IL31RA: variants seen among roughly 807,000 people sequenced by gnomAD.
IL31RA encodes the protein interleukin-31 receptor subunit alpha.
IL31RA carries 66 observed loss-of-function variants against 83.7 expected under a neutral mutation model. The ratio of observed to expected loss-of-function variants is 0.79; its 90% confidence interval spans 0.65 to 0.97. The LOEUF is 0.97. IL31RA is among the 50% of genes least tolerant of loss of function. The probability of loss-of-function intolerance (pLI) is 0.00; values close to 1 mark genes in which losing one functional copy is unlikely to be tolerated. For synonymous variants in IL31RA, 325 were observed against 329.0 expected (o/e 0.99, Z 0.13); for missense variants, 798 against 919.4 (o/e 0.87, Z 1.71).
rs537875055 is a variant in IL31RA at position 55,918,725 on chromosome 5, A to T, written c.*1605A>T. Among the ~76,000 whole-genome samples, 8 of 152,104 alleles carry T rather than the reference A, an allele frequency of 5.3e-5. No individual in the cohort carries two copies. The highest frequency in any genetic ancestry group is 8.8e-5 in the Non-Finnish European group (6 of 67,982). On this transcript the variant is annotated 3_prime_UTR_variant, in exon 15 of 15. Coordinates refer to ENST00000652347, the MANE Select transcript of IL31RA (RefSeq NM_139017.7). ...TACCTTAGCCAATTGCTGCCTCGTT[A>T]CTGTGGGCACAGGAAGGTGTGGCTG...
At chr5:55,860,396 G>GTC (rs1452845169) in intron 2 of IL31RA, among the ~76,000 whole-genome samples, 6 of 151,326 alleles carry the variant, frequency 4.0e-5, no homozygotes, top group South Asian at 2.1e-4. Flanking sequence ...TGTGAATGTG[G>GTC]TCTCTCTCTC....
At chr5:55,913,079 TTTTTTGTTTTTGTTTTTG>T (rs140635074) in intron 12 of IL31RA, among the ~76,000 whole-genome samples, 2 of 151,274 alleles carry the variant, frequency 1.3e-5, no homozygotes, top group African/African-American at 4.9e-5. Flanking sequence ...CAAAATTCTG[TTTTTTGTTTTTGTTTTTG>T]TTTTTGTTTT....
At chr5:55,874,185 T>C (rs991980031) in intron 4 of IL31RA, among the ~76,000 whole-genome samples, 1 of 152,128 alleles carries the variant, frequency 6.6e-6, no homozygotes, top group African/African-American at 2.4e-5. Flanking sequence ...TTGAATTGTC[T>C]TGGCACCTTT....
intron 4 of IL31RA, among the ~76,000 whole-genome samples, chr5:55,875,616 C>T (rs1746801394): frequency 6.6e-6 from 1 of 152,068 alleles, no homozygotes; most frequent in Non-Finnish European, 1.5e-5. Context: ...TGGAAGGGGA[C>T]AAGATTATTC....
rs1750140095 is a variant in IL31RA at position 55,922,474 on chromosome 5, A to C, written c.*5354A>C. ...GAGAAAGGTGTCCTGTGGTCTATGC[A>C]AATTAGAAAGGACATGCAGAGTTTT... is the stretch of plus-strand genomic sequence containing the variant. On this transcript the variant is annotated 3_prime_UTR_variant, in exon 15 of 15. Coordinates refer to ENST00000652347, the MANE Select transcript of IL31RA (RefSeq NM_139017.7). The C allele has an allele frequency of 2.0e-6, 3 of 1,514,348 alleles. No homozygotes were observed. The highest frequency in any genetic ancestry group is 1.4e-5 in the African/African-American group (1 of 72,272). The allele number at this position is 1,514,348 out of a possible 1,614,324, so 93.8% of individuals were successfully genotyped here.
chr5:55,847,240 AATAAAAATAAATAAAT>A (rs1192513613), upstream of IL31RA, among the ~76,000 whole-genome samples: 13 of 14,178 alleles, frequency 9.2e-4, no homozygotes, highest in African/African-American at 2.7e-3. Flanking sequence ...AAAAAAAAAA[AATAAAAATAAATAAAT>A]AAATAAATAA....
chr5:55,913,741 G>A (rs908030171), intron 13 of IL31RA, among the ~76,000 whole-genome samples, 171 bp downstream of exon 13: 2 of 152,204 alleles, frequency 1.3e-5, no homozygotes, highest in African/African-American at 4.8e-5. Flanking sequence ...GTGGCTCACC[G>A]GAATTCTGAC....
chr5:55,914,186 A>G (rs961787187), intron 13 of IL31RA, among the ~76,000 whole-genome samples: 2 of 152,210 alleles, frequency 1.3e-5, no homozygotes, highest in African/African-American at 4.8e-5. Flanking sequence ...TCTCCAAATT[A>G]GACAGTTGTG....
At position 55,913,472 on chromosome 5, in the gene IL31RA, C is replaced by T. The variant is rs1396305283; in HGVS notation, c.1643-5C>T. On this transcript the variant is annotated splice_region_variant and splice_polypyrimidine_tract_variant and intron_variant, in intron 12 of 14. Coordinates refer to ENST00000652347, the MANE Select transcript of IL31RA (RefSeq NM_139017.7). ...CTACTGACTTTTGTTCTTTGTTTTT[C>T]AAAGGTGTCTTTGAGATTATCCTCA... 5.6e-6 allele frequency: 9 copies of T among 1,599,492 alleles called. No homozygotes were observed. Among genetic ancestry groups the T allele is most frequent in the Admixed American group, 3.3e-5 (2 of 59,990 alleles).
In IL31RA at chr5:55,914,936, C is replaced by G. The variant is rs746573109; in HGVS notation, c.1818+8C>G. 1.3e-6 allele frequency: 2 copies of G among 1,598,036 alleles called. No individual in the cohort carries two copies. Among genetic ancestry groups the G allele is most frequent in the Non-Finnish European group, 1.7e-6 (2 of 1,165,298 alleles). Reference sequence around the variant, plus strand: ...CATGGAGATGATTTCAAGGTAAACTCTCCTGTTTTTATTAAGGAAATCATT... The same window carrying G: ...CATGGAGATGATTTCAAGGTAAACTGTCCTGTTTTTATTAAGGAAATCATT... On this transcript the variant is annotated splice_region_variant and intron_variant, in intron 14 of 14. Coordinates refer to ENST00000652347, the MANE Select transcript of IL31RA (RefSeq NM_139017.7).
the IL31RA span, chr5:55,840,151 C>G: frequency 3.7e-6 from 1 of 273,768 alleles, no homozygotes; most frequent in Non-Finnish European, 7.1e-6. Context: ...GAGATTATGG[C>G]TGTTGCATCT....
rs762324183 is a variant in IL31RA, at chr5:55,868,893, CAGTTAAGAGAACTTAGTA to C, written c.261_272+6del. The C allele has an allele frequency of 1.9e-6, 3 of 1,556,910 alleles. No homozygotes were observed. Among genetic ancestry groups the C allele is most frequent in the Non-Finnish European group, 2.7e-6 (3 of 1,128,092 alleles). On this transcript the variant is annotated splice_donor_variant and splice_donor_region_variant and coding_sequence_variant and intron_variant, in exon 3 of 15. Coordinates refer to ENST00000652347, the MANE Select transcript of IL31RA (RefSeq NM_139017.7). LOFTEE classifies it high-confidence loss of function. The stretch of plus-strand genomic sequence containing the variant: ...AAGGAAACCAGTTATACCCAGTACA[CAGTTAAGAGAACTTAGTA>C]AGTACAGGAGCTTGTGTTTTATCAG...
At position 55,916,773 on chromosome 5, in the gene IL31RA, G is replaced by A. The variant is rs116001952; in HGVS notation, c.1948G>A (p.Glu650Lys). 1,282 of 1,614,208 alleles carry A rather than the reference G, an allele frequency of 7.9e-4. 6 individuals are homozygous for A. The African/African-American group carries it at 0.015, about 18-fold the overall frequency. ...LVVNFGNVLQ[E>K]IFTDEARTGQ... ...GGTGAACTTTGGGAATGTTCTGCAA[G>A]AAATTTTCACAGATGAAGCCAGAAC... Residue 650 changes from glutamate (E) to lysine (K), a missense_variant, in exon 15 of 15, where the codon GAA (glutamate) becomes AAA (lysine). Physicochemically the swap from Glu to Lys is moderately conservative, Grantham distance 56. Transcript: ENST00000652347.
In IL31RA at chr5:55,913,445, C is replaced by T. The variant is rs771312250; in HGVS notation, c.1643-32C>T. 2.2e-6 allele frequency: 3 copies of T among 1,376,978 alleles called. No individual in the cohort carries two copies. The South Asian group carries it at 3.5e-5, about 16-fold the overall frequency. The allele number at this position is 1,376,978 out of a possible 1,614,324, so 85.3% of individuals were successfully genotyped here. A position where few individuals can be genotyped will look rare whatever the true frequency, so the allele number is the denominator to read the frequency against. Reference sequence around the variant, plus strand: ...ATTTTTGTCAAGAAGGTGAGGAACTCACTACTGACTTTTGTTCTTTGTTTT... The same window carrying T: ...ATTTTTGTCAAGAAGGTGAGGAACTTACTACTGACTTTTGTTCTTTGTTTT... On this transcript the variant is annotated intron_variant, in intron 12 of 14. Transcript: ENST00000652347.
intron 7 of IL31RA, among the ~76,000 whole-genome samples, chr5:55,898,396 A>C (rs1435606194): frequency 6.7e-6 from 1 of 150,322 alleles, no homozygotes; most frequent in Non-Finnish European, 1.5e-5. Context: ...ATGTACTAAA[A>C]TGCTCTAAAA....
At chr5:55,879,258 C>T (rs1002127050) in intron 4 of IL31RA, among the ~76,000 whole-genome samples, 3 of 151,948 alleles carry the variant, frequency 2.0e-5, no homozygotes, top group African/African-American at 7.3e-5. Context: ...CAAACCAAGA[C>T]CACTGATGTT....
In IL31RA at chr5:55,851,541, G is replaced by C. The variant is rs9687963; in HGVS notation, c.-30G>C. ...GTATGAAAATTGAGACAGGAAGGCA[G>C]AGTGTCAGCTTGTTCCACCTCAGCT... On this transcript the variant is annotated 5_prime_UTR_variant, in exon 1 of 15. Coordinates refer to ENST00000652347, the MANE Select transcript of IL31RA (RefSeq NM_139017.7). The C allele has an allele frequency of 2.5e-6, 4 of 1,613,894 alleles. No homozygotes were observed. The highest frequency in any genetic ancestry group is 3.4e-6 in the Non-Finnish European group (4 of 1,179,934).
intron 3 of IL31RA, among the ~76,000 whole-genome samples, chr5:55,870,909 TC>T (rs2092969010): frequency 6.6e-6 from 1 of 151,954 alleles, no homozygotes; most frequent in African/African-American, 2.4e-5. Context: ...TGAAAGGAGG[TC>T]TAGAGGTGTG....
At chr5:55,895,434 A>G (rs1434234529) in intron 6 of IL31RA, among the ~76,000 whole-genome samples, 1 of 152,196 alleles carries the variant, frequency 6.6e-6, no homozygotes, top group Non-Finnish European at 1.5e-5. Flanking sequence ...TACAGTCCAG[A>G]AATCAAGTGA....
Sources: gnomAD v4.1 joint callset for allele counts (sites outside exome capture counted in the v4.1 genomes callset) on GRCh38, gnomAD v4.1.1 for gene constraint, MANE v1.5 for transcripts, NCBI Gene and HGNC (gene_info 2026-07-23, HGNC 2026-07-21) for gene names.